CAPN12: variants seen among roughly 807,000 people sequenced by gnomAD.
CAPN12 encodes calpain-12.
In CAPN12, 107 loss-of-function variants were observed where a neutral mutation model predicts 95.0. The observed-to-expected ratio is 1.13, with a 90% CI of 0.96 to 1.32. The LOEUF is 1.32. Ranked by LOEUF, CAPN12 falls within the 40% of genes most tolerant of loss-of-function variation. The pLI is 0.00. For missense variants in CAPN12, 1,136 were observed against 997.8 expected (o/e 1.14, Z -1.87); for synonymous variants, 505 against 415.5 (o/e 1.22, Z -2.62).
chr19:38,739,991 A>G, intron 5 of CAPN12, 60 bp downstream of exon 5: 3 of 1,468,540 alleles, frequency 2.0e-6, no homozygotes, highest in Non-Finnish European at 2.7e-6. Context: ...CCACCCCACC[A>G]CACCCCTGAC....
intron 18 of CAPN12, 187 bp from the exon 19 acceptor site, chr19:38,731,410 A>G: frequency 1.6e-6 from 1 of 615,670 alleles, no homozygotes; most frequent in Non-Finnish European, 2.9e-6. Flanking sequence ...CATCCATCAA[A>G]CGGACTAAGA....
upstream of CAPN12, among the ~76,000 whole-genome samples, chr19:38,744,628 T>C (rs1568331602): frequency 2.0e-5 from 3 of 152,138 alleles, no homozygotes. Flanking sequence ...GTTTCTGGAG[T>C]GCAGTGGCAC....
At chr19:38,743,156 C>CA in intron 1 of CAPN12, 54 bp from the exon 2 acceptor site, 5 of 1,606,392 alleles carry the variant, frequency 3.1e-6, no homozygotes, top group Non-Finnish European at 4.3e-6. Context: ...GGAAAGGTCT[C>CA]ATCCAGAGGA....
intron 5 of CAPN12, chr19:38,739,170 G>C (rs1171645278): frequency 6.0e-6 from 1 of 167,070 alleles, no homozygotes; most frequent in Non-Finnish European, 1.3e-5. Flanking sequence ...ATGGAAAGAG[G>C]CCTGTTGTGG....
At chr19:38,739,827 A>C (rs2145243507) in intron 5 of CAPN12, 1 of 450,222 alleles carries the variant, frequency 2.2e-6, no homozygotes, top group East Asian at 3.5e-5. Flanking sequence ...ACACAGAATG[A>C]GAAATAAACA....
intron 17 of CAPN12, 133 bp downstream of exon 17, chr19:38,734,009 A>T: frequency 2.0e-6 from 2 of 997,272 alleles, no homozygotes; most frequent in Non-Finnish European, 3.0e-6. Context: ...GGGATATCCC[A>T]GCCAGATCTC....
chr19:38,741,586 G>GAA (rs74176460), intron 4 of CAPN12, among the ~76,000 whole-genome samples, 191 bp downstream of exon 4: 15 of 132,314 alleles, frequency 1.1e-4, no homozygotes, highest in Admixed American at 3.0e-4. Flanking sequence ...CAAAAAAAAA[G>GAA]AAAAAAAAAA....
rs1050514149 is a variant in CAPN12 at position 38,730,729 on chromosome 19, G to T, written c.*123C>A. The T allele has an allele frequency of 7.9e-6, 10 of 1,266,282 alleles. No homozygotes were observed. The East Asian group carries it at 2.3e-4, about 29-fold the overall frequency. The allele number at this position is 1,266,282 out of a possible 1,614,324, so 78.4% of individuals were successfully genotyped here. ...GGTCACCCGGCCGTGAGCAGTGAGG[G>T]CCAGAGACTAGCCCCAGACAGGTGG... On this transcript the variant is annotated 3_prime_UTR_variant, in exon 21 of 21. Coordinates refer to ENST00000328867, the MANE Select transcript of CAPN12 (RefSeq NM_144691.4).
chr19:38,743,823 G>A, intron 1 of CAPN12, 106 bp downstream of exon 1: 1 of 1,096,598 alleles, frequency 9.1e-7, no homozygotes, highest in East Asian at 2.5e-5. Context: ...TCCTCCCTCA[G>A]ACCAGGGAGT....
chr19:38,738,595 A>G lies in CAPN12; in HGVS notation c.783T>C (p.Tyr261=). The change falls in exon 6 of 21, where the codon TAT becomes TAC. Residue 261 remains tyrosine, a synonymous_variant. Coordinates refer to ENST00000328867, the MANE Select transcript of CAPN12 (RefSeq NM_144691.4). The stretch of plus-strand genomic sequence containing the variant: ...TTACCTTGTGTGTGCCCGTGATGGA[A>G]TACGCGTGTCCCTTTACCAGGCCCT... ...TEEGLVKGHA[Y]SITGTHKVFL... 1.2e-6 allele frequency: 2 copies of G among 1,613,988 alleles called. No homozygotes were observed. The highest frequency in any genetic ancestry group is 8.5e-7 in the Non-Finnish European group (1 of 1,180,016).
chr19:38,740,169 A>C lies in CAPN12; in HGVS notation c.611T>G (p.Phe204Cys). Residue 204 changes from phenylalanine (F) to cysteine (C), a missense_variant, in exon 5 of 21, where the codon TTT (phenylalanine) becomes TGT (cysteine). Physicochemically the swap from Phe to Cys is radical, Grantham distance 205. Coordinates refer to ENST00000328867, the MANE Select transcript of CAPN12 (RefSeq NM_144691.4). ...VMRGGHMNEAFVDFTGGVGEV... is the reference protein window; with the variant it reads ...VMRGGHMNEACVDFTGGVGEV... ...GCCCACGCCGCCTGTGAAATCCACA[A>C]AAGCCTCATTCATGTGGCCGCCCCG... is the stretch of plus-strand genomic sequence containing the variant. 6.2e-7 allele frequency: 1 copy of C among 1,613,204 alleles called. No homozygotes were observed. Among genetic ancestry groups the C allele is most frequent in the Non-Finnish European group, 8.5e-7 (1 of 1,179,610 alleles).
chr19:38,740,346 G>T, intron 4 of CAPN12, 127 bp from the exon 5 acceptor site: 1 of 1,072,480 alleles, frequency 9.3e-7, no homozygotes, highest in Non-Finnish European at 1.3e-6. Context: ...GAAGTTTTGA[G>T]ACTTTTTCCA....
chr19:38,741,709 G>A lies in CAPN12; in HGVS notation c.560+68C>T, dbSNP rs764191641. On this transcript the variant is annotated intron_variant, in intron 4 of 20. Transcript: ENST00000328867. The stretch of plus-strand genomic sequence containing the variant: ...GATTGCAGAGCTTGGGGGACTCTGG[G>A]TCCCCCTGTGGCTTGATGCCTGCTG... 9.5e-6 allele frequency: 15 copies of A among 1,581,762 alleles called. 1 individual carries two copies. In the South Asian group the frequency reaches 1.5e-4, roughly 16 times the overall value.
chr19:38,730,793 G>C lies in CAPN12; in HGVS notation c.*59C>G. 1 of 1,543,154 alleles carries C rather than the reference G, an allele frequency of 6.5e-7. No individual in the cohort carries two copies. Among genetic ancestry groups the C allele is most frequent in the Non-Finnish European group, 8.8e-7 (1 of 1,141,246 alleles). Reference sequence around the variant, plus strand: ...TGGCACCCATGCCAGGCAAGGCCTAGGGAGGTGGTCTTGCTCAGCAACCCT... The same window carrying C: ...TGGCACCCATGCCAGGCAAGGCCTACGGAGGTGGTCTTGCTCAGCAACCCT... On this transcript the variant is annotated 3_prime_UTR_variant, in exon 21 of 21. Transcript: ENST00000328867.
chr19:38,743,284 C>T (rs1970668506), intron 1 of CAPN12, among the ~76,000 whole-genome samples, 182 bp from the exon 2 acceptor site: 1 of 151,750 alleles, frequency 6.6e-6, no homozygotes, highest in Admixed American at 6.6e-5. Context: ...CCCTCAGACC[C>T]GGGAGTCCAG....
rs889341635 is a variant in CAPN12 at position 38,730,555 on chromosome 19, A to G, written c.*297T>C. 6 of 476,052 alleles carry G rather than the reference A, an allele frequency of 1.3e-5. No individual in the cohort carries two copies. The Admixed American group carries it at 2.2e-4, about 17-fold the overall frequency. 29.5% of individuals were successfully genotyped at this position (476,052 alleles called of 1,614,324 possible). On this transcript the variant is annotated 3_prime_UTR_variant, in exon 21 of 21. Transcript: ENST00000328867. Reference sequence around the variant, plus strand: ...GATTCCTGCAGCATCATCTTTTTTTATTTCTCCTGTGTCTGTCCTCCACCT... The same window carrying G: ...GATTCCTGCAGCATCATCTTTTTTTGTTTCTCCTGTGTCTGTCCTCCACCT...
intron 10 of CAPN12, 95 bp from the exon 11 acceptor site, chr19:38,736,658 C>T (rs1259270255): frequency 7.5e-6 from 10 of 1,339,290 alleles, no homozygotes; most frequent in Middle Eastern, 1.9e-4. Flanking sequence ...GTGCTCTCTC[C>T]CTCCTTCTTC....
At chr19:38,734,030 C>T (rs1260582378) in intron 17 of CAPN12, 112 bp downstream of exon 17, 5 of 1,198,414 alleles carry the variant, frequency 4.2e-6, no homozygotes, top group South Asian at 1.4e-5. Flanking sequence ...TCCAAGTCAG[C>T]CTAGTCCAGT....
rs1970348114 is a variant in CAPN12 at position 38,738,414 on chromosome 19, C to T, written c.890+4G>A. On this transcript the variant is annotated splice_donor_region_variant and intron_variant, in intron 7 of 20. Transcript: ENST00000328867. ...GCCCCACACCCACCCCAGACCCATC[C>T]CACCTGTCGCTCCAGGCCCCCGTCC... The T allele has an allele frequency of 1.2e-6, 2 of 1,610,424 alleles. No individual in the cohort carries two copies.
Sources: allele counts gnomAD v4.1 joint callset (sites outside exome capture counted in the v4.1 genomes callset), GRCh38; gene constraint gnomAD v4.1.1; transcripts MANE v1.5; gene names NCBI Gene and HGNC (gene_info 2026-07-23, HGNC 2026-07-21).